Variants in SMG6 observed in about 807,000 individuals in gnomAD.
SMG6 encodes telomerase-binding protein EST1A.
In SMG6, 66 loss-of-function variants were observed where a neutral mutation model predicts 142.2. The ratio of observed to expected loss-of-function variants is 0.46; its 90% CI spans 0.38 to 0.57. The LOEUF is 0.57. Among genes scored for constraint, SMG6 ranks in the 20% least tolerant of loss-of-function variants. SMG6 has a pLI of 0.00. For missense variants in SMG6, 1,793 were observed against 1,832.0 expected (o/e 0.98, Z 0.39); for synonymous variants, 779 against 702.4 (o/e 1.11, Z -1.72).
At chr17:2,190,476 T>C (rs1025158013) in intron 10 of SMG6, among the ~76,000 whole-genome samples, 2 of 152,212 alleles carry the variant, frequency 1.3e-5, no homozygotes, top group African/African-American at 4.8e-5. Context: ...GGGAGGTTTC[T>C]TTCACCAAGC....
intron 13 of SMG6, among the ~76,000 whole-genome samples, chr17:2,134,877 TTTTAA>T (rs959534957): frequency 4.7e-5 from 4 of 85,228 alleles, no homozygotes; most frequent in African/African-American, 1.9e-4. Context: ...AAAAGTTTTA[TTTTAA>T]TTTATTTTTT....
chr17:2,249,226 T>G (rs193067727), intron 8 of SMG6, among the ~76,000 whole-genome samples: 2 of 152,150 alleles, frequency 1.3e-5, no homozygotes, highest in Admixed American at 1.3e-4. Flanking sequence ...CACAAAAACC[T>G]TAGTCCGAGC....
chr17:2,202,817 A>T (rs571897816), intron 10 of SMG6, among the ~76,000 whole-genome samples: 1 of 152,332 alleles, frequency 6.6e-6, no homozygotes, highest in East Asian at 1.9e-4. Context: ...TTTCGTCATC[A>T]AGGTCACACA....
chr17:2,247,928 T>C (rs560887585), intron 8 of SMG6, among the ~76,000 whole-genome samples: 1 of 150,594 alleles, frequency 6.6e-6, no homozygotes, highest in East Asian at 1.9e-4. Context: ...CCAGTATCTG[T>C]TAAACAAACA....
chr17:2,211,959 C>T (rs1251819081), intron 10 of SMG6, among the ~76,000 whole-genome samples: 2 of 152,192 alleles, frequency 1.3e-5, no homozygotes, highest in Non-Finnish European at 1.5e-5. Context: ...GGTTATATTT[C>T]CCACAGAGAT....
chr17:2,182,766 T>C (rs2071845356), intron 12 of SMG6, among the ~76,000 whole-genome samples: 1 of 152,138 alleles, frequency 6.6e-6, no homozygotes, highest in African/African-American at 2.4e-5. Context: ...CTGGAGATGC[T>C]TGTTCTGAAA....
chr17:2,224,284 T>G (rs948589518), intron 10 of SMG6, among the ~76,000 whole-genome samples: 8 of 152,160 alleles, frequency 5.3e-5, no homozygotes, highest in Non-Finnish European at 1.0e-4. Context: ...CCCACAAGGC[T>G]ACACCCCAAA....
chr17:2,250,794 A>T (rs1217017203), intron 8 of SMG6, among the ~76,000 whole-genome samples: 1 of 152,162 alleles, frequency 6.6e-6, no homozygotes, highest in African/African-American at 2.4e-5. Flanking sequence ...CCTGTTAGTA[A>T]AACAGCCAGG....
At chr17:2,130,677 A>G (rs2151545694) in intron 13 of SMG6, among the ~76,000 whole-genome samples, 1 of 152,178 alleles carries the variant, frequency 6.6e-6, no homozygotes, top group African/African-American at 2.4e-5. Flanking sequence ...AGGGTATGTA[A>G]GGTTTCCTTT....
chr17:2,143,930 A>G (rs1400217193), intron 13 of SMG6, among the ~76,000 whole-genome samples: 2 of 152,026 alleles, frequency 1.3e-5, no homozygotes, highest in South Asian at 2.1e-4. Context: ...CAATTTGATC[A>G]GTTTTGGCTG....
intron 5 of SMG6, 36 bp downstream of exon 5, chr17:2,292,835 T>C (rs2151397546): frequency 3.8e-6 from 6 of 1,571,724 alleles, no homozygotes; most frequent in East Asian, 2.2e-5. Context: ...TAGAGCCACA[T>C]AGGGAAGAGA....
chr17:2,163,335 G>A (rs192758835), intron 13 of SMG6, among the ~76,000 whole-genome samples: 3 of 151,868 alleles, frequency 2.0e-5, no homozygotes, highest in Admixed American at 6.6e-5. Context: ...CACAGACGGA[G>A]GCCACCAAGC....
chr17:2,251,525 C>A (rs1447266901), intron 8 of SMG6, among the ~76,000 whole-genome samples: 1 of 152,176 alleles, frequency 6.6e-6, no homozygotes, highest in African/African-American at 2.4e-5. Context: ...ATGGCTAGAT[C>A]TGAGACATGT....
Position 2,299,658 on chromosome 17 carries a change from C to T in SMG6, c.1095G>A (p.Met365Ile), listed in dbSNP as rs1455637703. 2 of 1,614,226 alleles carry T rather than the reference C, an allele frequency of 1.2e-6. No individual in the cohort carries two copies. The highest frequency in any genetic ancestry group is 1.3e-5 in the African/African-American group (1 of 75,048). The part of the protein sequence containing the change: ...DAEAMNKESP[M>I]VRSARDDMDR... ...CCATATCATCCCTGGCTGACCTCACCATGGGAGACTCTTTGTTCATGGCTT... is the reference window on the plus strand; with the variant it reads ...CCATATCATCCCTGGCTGACCTCACTATGGGAGACTCTTTGTTCATGGCTT... Residue 365 changes from methionine (M) to isoleucine (I), a missense_variant, in exon 2 of 19, where the codon ATG (methionine) becomes ATA (isoleucine). Physicochemically the swap from Met to Ile is conservative, Grantham distance 10. This residue lies in a region of SMG6 where 1,597 missense variants were observed against 1,584.6 expected (regional missense o/e 1.01). Transcript: ENST00000263073. The surrounding 1 kb of genome is among the most constrained non-coding windows in gnomAD (Gnocchi z 4.3).
intron 10 of SMG6, among the ~76,000 whole-genome samples, chr17:2,196,754 G>A (rs139301131): frequency 2.4e-4 from 36 of 150,404 alleles, no homozygotes; most frequent in African/African-American, 8.0e-4. Context: ...GAAAGGGGCC[G>A]GGCATGGTGG....
intron 13 of SMG6, among the ~76,000 whole-genome samples, chr17:2,126,887 TAC>T (rs1597431419): frequency 7.0e-6 from 1 of 143,252 alleles, no homozygotes. Flanking sequence ...ACCCTATTTC[TAC>T]ACACACACGC....
intron 13 of SMG6, among the ~76,000 whole-genome samples, chr17:2,154,600 C>A (rs2070945288): frequency 6.6e-6 from 1 of 152,132 alleles, no homozygotes; most frequent in Non-Finnish European, 1.5e-5. Flanking sequence ...GTCTCTGTTT[C>A]TCCAAAAGAG....
intron 8 of SMG6, among the ~76,000 whole-genome samples, chr17:2,261,409 T>C (rs1315977826): frequency 1.3e-5 from 2 of 152,236 alleles, no homozygotes; most frequent in East Asian, 1.9e-4. Flanking sequence ...TTATCACCTG[T>C]ATGGCTCTGT....
At chr17:2,147,756 C>T (rs567933331) in intron 13 of SMG6, among the ~76,000 whole-genome samples, 6 of 152,336 alleles carry the variant, frequency 3.9e-5, no homozygotes, top group African/African-American at 1.4e-4. Flanking sequence ...TACTGCTTCA[C>T]ACCAATACAC....
Sources: allele counts gnomAD v4.1 joint callset (sites outside exome capture counted in the v4.1 genomes callset), GRCh38; gene constraint gnomAD v4.1.1; regional missense constraint gnomAD v4.1.1; non-coding constraint Gnocchi (gnomAD v3.1); transcripts MANE v1.5; gene names NCBI Gene and HGNC (gene_info 2026-07-23, HGNC 2026-07-21).